Variants in SGMS1 observed in about 807,000 individuals in gnomAD.
SGMS1 encodes sphingomyelin synthase 1.
SGMS1 carries 13 observed loss-of-function variants against 46.2 expected under a neutral mutation model. The observed-to-expected ratio is 0.28, with a 90% CI of 0.18 to 0.45. The LOEUF (loss-of-function observed/expected upper bound fraction) is 0.45. SGMS1 is among the 20% of genes least tolerant of loss of function. The pLI, the probability that SGMS1 is intolerant of heterozygous loss-of-function variation, is 1.00. For synonymous variants in SGMS1, 203 were observed against 187.8 expected (o/e 1.08, Z -0.66); for missense variants, 324 against 519.9 (o/e 0.62, Z 3.66).
At chr10:50,493,542 T>C (rs1471631691) in intron 3 of SGMS1, among the ~76,000 whole-genome samples, 1 of 152,122 alleles carries the variant, frequency 6.6e-6, no homozygotes, top group Non-Finnish European at 1.5e-5. Context: ...ACCTACAGTA[T>C]AGGAGAAATT....
At chr10:50,499,501 G>C (rs1837643642) in intron 3 of SGMS1, among the ~76,000 whole-genome samples, 1 of 152,222 alleles carries the variant, frequency 6.6e-6, no homozygotes. Flanking sequence ...ACTACTCCCA[G>C]ATGACCCTGT....
intron 6 of SGMS1, among the ~76,000 whole-genome samples, chr10:50,346,169 T>C (rs1847908747): frequency 6.6e-6 from 1 of 152,190 alleles, no homozygotes; most frequent in Admixed American, 6.5e-5. Flanking sequence ...ATAATGATAA[T>C]CAAGTATTTC....
At chr10:50,395,188 G>C (rs1256177837) in intron 6 of SGMS1, among the ~76,000 whole-genome samples, 1 of 152,090 alleles carries the variant, frequency 6.6e-6, no homozygotes, top group Non-Finnish European at 1.5e-5. Context: ...ACACCTTCAT[G>C]GTCGCTGTTA....
intron 1 of SGMS1, among the ~76,000 whole-genome samples, chr10:50,618,271 T>C (rs2131942810): frequency 6.6e-6 from 1 of 152,318 alleles, no homozygotes; most frequent in South Asian, 2.1e-4. Flanking sequence ...GCTGACAGAA[T>C]ACAGAATATC....
At chr10:50,558,079 C>T (rs1037667044) in intron 2 of SGMS1, among the ~76,000 whole-genome samples, 2 of 152,092 alleles carry the variant, frequency 1.3e-5, no homozygotes, top group African/African-American at 4.8e-5. Flanking sequence ...GAAACTGAGT[C>T]CCAGGGAAGT....
At chr10:50,552,629 C>T (rs769685920) in intron 2 of SGMS1, among the ~76,000 whole-genome samples, 21 of 152,180 alleles carry the variant, frequency 1.4e-4, no homozygotes, top group Admixed American at 1.4e-3. Flanking sequence ...TCCTACAAGG[C>T]GGACTGAAAG....
At chr10:50,474,790 A>T (rs1351220855) in intron 3 of SGMS1, among the ~76,000 whole-genome samples, 1 of 152,204 alleles carries the variant, frequency 6.6e-6, no homozygotes, top group Admixed American at 6.5e-5. Context: ...AGAGAGTGCT[A>T]TCCATTTAGT....
chr10:50,585,587 C>T (rs747235267), intron 2 of SGMS1, among the ~76,000 whole-genome samples: 5 of 152,132 alleles, frequency 3.3e-5, no homozygotes, highest in Admixed American at 1.3e-4. Flanking sequence ...TTGGTGCACA[C>T]GGAAATGCGC....
At chr10:50,348,946 ATGGTAC>A (rs1847961231) in intron 6 of SGMS1, among the ~76,000 whole-genome samples, 1 of 152,224 alleles carries the variant, frequency 6.6e-6, no homozygotes, top group Admixed American at 6.5e-5. Flanking sequence ...CCAAAACAGC[ATGGTAC>A]TGGTACTAAA....
Position 50,307,433 on chromosome 10 carries a change from C to T in SGMS1, c.1063-112G>A. 1 of 800,642 alleles carries T rather than the reference C, an allele frequency of 1.2e-6. No homozygotes were observed. Among genetic ancestry groups the T allele is most frequent in the East Asian group, 2.7e-5 (1 of 37,320 alleles). The allele number at this position is 800,642 out of a possible 1,614,324, so 49.6% of individuals were successfully genotyped here. On this transcript the variant is annotated intron_variant, in intron 10 of 10. Coordinates refer to ENST00000361781, the MANE Select transcript of SGMS1 (RefSeq NM_147156.4). This position sits in a 1 kb window ranked among gnomAD's most constrained non-coding sequence, Gnocchi z 4.2. The stretch of plus-strand genomic sequence containing the variant: ...TCCATACCTGCCCTGCGTGTCCACC[C>T]ACATATCCCAGCTTCTCTCTCTCAT...
At chr10:50,510,701 T>C (rs1270959879) in intron 3 of SGMS1, among the ~76,000 whole-genome samples, 8 of 152,084 alleles carry the variant, frequency 5.3e-5, no homozygotes, top group African/African-American at 9.7e-5. Context: ...TTCACCCAGC[T>C]TCTCCCCATA....
intron 6 of SGMS1, among the ~76,000 whole-genome samples, chr10:50,373,678 A>C (rs1471378264): frequency 6.6e-6 from 1 of 152,216 alleles, no homozygotes; most frequent in East Asian, 1.9e-4. Flanking sequence ...AAAGATAAAA[A>C]CTGGAAAAAT....
At chr10:50,367,841 C>T (rs1161193796) in intron 6 of SGMS1, among the ~76,000 whole-genome samples, 2 of 152,170 alleles carry the variant, frequency 1.3e-5, no homozygotes, top group Non-Finnish European at 2.9e-5. Context: ...AAGTTTGGCT[C>T]CCTAGAGGAT....
At chr10:50,460,549 G>A (rs537079524) in intron 5 of SGMS1, 124 bp downstream of exon 5, 1 of 152,334 alleles carries the variant, frequency 6.6e-6, no homozygotes, top group East Asian at 1.9e-4. Flanking sequence ...TCAGGCCTGA[G>A]AGTTCTGTCC....
chr10:50,328,832 G>A (rs1847570038), intron 7 of SGMS1, among the ~76,000 whole-genome samples: 1 of 152,172 alleles, frequency 6.6e-6, no homozygotes, highest in African/African-American at 2.4e-5. Context: ...AATATAAAGA[G>A]GGACGATACT....
At chr10:50,326,620 G>A (rs766938601) in intron 8 of SGMS1, among the ~76,000 whole-genome samples, 2 of 152,158 alleles carry the variant, frequency 1.3e-5, no homozygotes, top group Non-Finnish European at 2.9e-5. Flanking sequence ...TTCTTCCAAG[G>A]TAAAGGTTAG....
intron 3 of SGMS1, among the ~76,000 whole-genome samples, chr10:50,488,127 C>T (rs897316942): frequency 4.6e-5 from 7 of 151,950 alleles, no homozygotes; most frequent in African/African-American, 1.7e-4. Flanking sequence ...GACACTCCTG[C>T]CTCAGCCTTC....
intron 6 of SGMS1, among the ~76,000 whole-genome samples, chr10:50,348,975 A>G (rs1264556383): frequency 6.6e-6 from 1 of 152,244 alleles, no homozygotes; most frequent in East Asian, 1.9e-4. Context: ...AGGTATATAG[A>G]CAATCAACTT....
intron 6 of SGMS1, among the ~76,000 whole-genome samples, chr10:50,423,194 T>C (rs1849277553): frequency 6.6e-6 from 1 of 152,218 alleles, no homozygotes. Context: ...AGCTGGGCAC[T>C]AGGATCAGCT....
Sources: allele counts gnomAD v4.1 joint callset (sites outside exome capture counted in the v4.1 genomes callset), GRCh38; gene constraint gnomAD v4.1.1; non-coding constraint Gnocchi (gnomAD v3.1); transcripts MANE v1.5; gene names NCBI Gene and HGNC (gene_info 2026-07-23, HGNC 2026-07-21).